Variants in ARHGAP32 observed in about 807,000 individuals in gnomAD.
The protein encoded by ARHGAP32 is Rho GTPase activating protein 32, also known as rho GTPase-activating protein 32.
ARHGAP32 carries 51 observed loss-of-function variants against 186.5 expected under a neutral mutation model. The observed-to-expected ratio is 0.27, with a 90% CI of 0.22 to 0.35. ARHGAP32 has a LOEUF of 0.35. ARHGAP32 is among the 10% of genes least tolerant of loss of function. The probability of loss-of-function intolerance (pLI) is 1.00; values close to 1 mark genes in which losing one functional copy is unlikely to be tolerated. For missense variants in ARHGAP32, 2,186 were observed against 2,623.5 expected (o/e 0.83, Z 3.64); for synonymous variants, 950 against 964.3 (o/e 0.99, Z 0.27).
chr11:129,125,680 A>G (rs1942642843), intron 2 of ARHGAP32, among the ~76,000 whole-genome samples: 1 of 152,052 alleles, frequency 6.6e-6, no homozygotes, highest in Admixed American at 6.6e-5. Flanking sequence ...GACAGTTTAC[A>G]TACTTTTTTT....
intron 6 of ARHGAP32, 110 bp downstream of exon 6, chr11:129,093,511 T>C (rs1432254882): frequency 2.0e-5 from 15 of 737,044 alleles, no homozygotes; most frequent in Middle Eastern, 2.5e-4. Context: ...TATAAGTATT[T>C]TTCTGTGGAT....
intron 11 of ARHGAP32, among the ~76,000 whole-genome samples, chr11:129,028,034 T>G (rs1565383491): frequency 1.3e-5 from 2 of 152,330 alleles, no homozygotes; most frequent in East Asian, 3.9e-4. Context: ...GCATATGGGT[T>G]TAGGAAACAT....
upstream of ARHGAP32, among the ~76,000 whole-genome samples, chr11:129,196,768 A>G (rs1041657500): frequency 5.9e-5 from 9 of 152,176 alleles, no homozygotes; most frequent in African/African-American, 1.2e-4. Context: ...CATTAAAAAT[A>G]CTTTTCAGGC....
chr11:129,235,874 C>T (rs947843874), intron 1 of ARHGAP32, among the ~76,000 whole-genome samples: 12 of 149,984 alleles, frequency 8.0e-5, no homozygotes, highest in African/African-American at 3.0e-4. Context: ...ATCCAGGTTG[C>T]TGCAAATGCC....
chr11:129,120,222 CAGAA>C (rs1405876530), intron 5 of ARHGAP32, among the ~76,000 whole-genome samples: 1 of 151,996 alleles, frequency 6.6e-6, no homozygotes, highest in Non-Finnish European at 1.5e-5. Flanking sequence ...TGAGGACTGA[CAGAA>C]AGAAAGATGC....
intron 2 of ARHGAP32, among the ~76,000 whole-genome samples, chr11:129,143,613 A>G (rs1943108336): frequency 6.6e-6 from 1 of 152,146 alleles, no homozygotes; most frequent in Admixed American, 6.5e-5. Flanking sequence ...CTTTGACTTA[A>G]TAATAGCCCC....
At chr11:129,147,350 A>C (rs1943187879) in intron 2 of ARHGAP32, among the ~76,000 whole-genome samples, 1 of 152,198 alleles carries the variant, frequency 6.6e-6, no homozygotes, top group Non-Finnish European at 1.5e-5. Flanking sequence ...TAAACAGACC[A>C]TCACATGAAA....
At chr11:129,128,277 C>T (rs1942708395) in intron 2 of ARHGAP32, among the ~76,000 whole-genome samples, 1 of 152,084 alleles carries the variant, frequency 6.6e-6, no homozygotes, top group African/African-American at 2.4e-5. Context: ...ATGTAGTGTT[C>T]TCTAATAAAA....
chr11:129,248,947 GGA>G lies in ARHGAP32; in HGVS notation c.-5+30197_-5+30198del, dbSNP rs2135684588. On this transcript the variant is annotated intron_variant, in intron 1 of 6. Transcript: ENST00000525234. ...CATGGTCTCTGTCCTCATGGAGCTT[GGA>G]GTCCATTTCCTCTAAACGTGGTCAC... is the stretch of plus-strand genomic sequence containing the variant. 2.0e-5 allele frequency among the ~76,000 whole-genome samples: 3 copies of G among 152,230 alleles called. No homozygotes were observed. In the East Asian group the frequency reaches 5.8e-4, roughly 29 times the overall value.
rs370885142 is a variant in ARHGAP32 at position 129,173,632 on chromosome 11, G to A, written c.117-9205C>T. On this transcript the variant is annotated intron_variant, in intron 1 of 22. Transcript: ENST00000682385. ...AGAGCTTATCCACCACGATCAAGTCGGCTTCATTCCTGGGATGCAAGTCTG... is the reference window on the plus strand; with the variant it reads ...AGAGCTTATCCACCACGATCAAGTCAGCTTCATTCCTGGGATGCAAGTCTG... 2.2e-3 allele frequency among the ~76,000 whole-genome samples: 338 copies of A among 152,214 alleles called. 3 individuals are homozygous for A. In the South Asian group the frequency reaches 0.033, roughly 15 times the overall value.
At chr11:129,096,988 T>C (rs1035568965) in intron 5 of ARHGAP32, among the ~76,000 whole-genome samples, 4 of 152,084 alleles carry the variant, frequency 2.6e-5, no homozygotes, top group African/African-American at 9.7e-5. Context: ...GGCTGATCTT[T>C]GGCACAGAGA....
chr11:129,240,164 T>C (rs181283904), intron 1 of ARHGAP32, among the ~76,000 whole-genome samples: 1 of 152,096 alleles, frequency 6.6e-6, no homozygotes, highest in African/African-American at 2.4e-5. Flanking sequence ...GCCAACCTCA[T>C]CATACAATAT....
intron 11 of ARHGAP32, among the ~76,000 whole-genome samples, chr11:129,020,895 A>C (rs374046183): frequency 2.0e-5 from 3 of 152,080 alleles, no homozygotes; most frequent in East Asian, 3.8e-4. Flanking sequence ...CTTTGGAAGT[A>C]AGAGGAAAAA....
At chr11:129,178,981 G>C (rs1420344132) in intron 1 of ARHGAP32, among the ~76,000 whole-genome samples, 1 of 151,800 alleles carries the variant, frequency 6.6e-6, no homozygotes, top group East Asian at 1.9e-4. Flanking sequence ...CACAGCAAAA[G>C]AAACTACCAT....
rs760527158 is a variant in ARHGAP32, at chr11:128,972,859, T to G, written c.3647A>C (p.Gln1216Pro). Residue 1216 changes from glutamine to proline, a missense_variant, in exon 22 of 23, where the codon CAG becomes CCG. Physicochemically the swap from Gln to Pro is moderately conservative, Grantham distance 76. Transcript: ENST00000682385. The stretch of plus-strand genomic sequence containing the variant: ...TCCACTGTAGAAACGGGGTGGAGAC[T>G]GGTCCTGATCCAAGAAGGAGACAGT... ...MPTVSFLDQD[Q>P]SPPRFYSGDQ... is the part of the protein sequence containing the mutation. 1.9e-6 allele frequency: 3 copies of G among 1,614,030 alleles called. No individual in the cohort carries two copies. Among genetic ancestry groups the G allele is most frequent in the East Asian group, 4.5e-5 (2 of 44,852 alleles).
At chr11:129,174,089 G>A (rs1033714878) in intron 1 of ARHGAP32, among the ~76,000 whole-genome samples, 37 of 152,180 alleles carry the variant, frequency 2.4e-4, no homozygotes, top group African/African-American at 7.5e-4. Context: ...TGCGCGCACC[G>A]TGCACAAGCC....
chr11:129,112,539 G>A lies in ARHGAP32; in HGVS notation c.444+10907C>T, dbSNP rs191602590. 4.2e-3 allele frequency among the ~76,000 whole-genome samples: 639 copies of A among 151,746 alleles called. 4 individuals carry two copies. The highest frequency in any genetic ancestry group is 7.1e-3 in the Admixed American group (108 of 15,232). On this transcript the variant is annotated intron_variant, in intron 5 of 22. Transcript: ENST00000682385. ...GGGACACCAAAAATTCAAATATTTG[G>A]CTGCTTCATGGTACATTAAAAACTT...
At chr11:129,236,163 T>A (rs1044869510) in intron 1 of ARHGAP32, among the ~76,000 whole-genome samples, 1 of 152,220 alleles carries the variant, frequency 6.6e-6, no homozygotes, top group African/African-American at 2.4e-5. Context: ...TCCATAGTGG[T>A]TGCGCTAGTT....
intron 11 of ARHGAP32, among the ~76,000 whole-genome samples, chr11:129,003,335 G>A (rs1219195355): frequency 6.6e-6 from 1 of 152,092 alleles, no homozygotes; most frequent in African/African-American, 2.4e-5. Flanking sequence ...AGTGATATTG[G>A]CCTGTAGTTT....
Sources: allele counts gnomAD v4.1 joint callset (sites outside exome capture counted in the v4.1 genomes callset), GRCh38; gene constraint gnomAD v4.1.1; transcripts MANE v1.5; gene names NCBI Gene and HGNC (gene_info 2026-07-23, HGNC 2026-07-21).